Variants in STPG2 observed in about 807,000 individuals in gnomAD.
The protein encoded by STPG2 is sperm tail PG-rich repeat containing 2.
STPG2 carries 56 observed loss-of-function variants against 54.2 expected under a neutral mutation model. That is an observed-to-expected ratio of 1.03 (90% confidence interval 0.83 to 1.29). The LOEUF is 1.29. STPG2 is among the 50% of genes most tolerant of loss of function. The pLI, the probability that STPG2 is intolerant of heterozygous loss-of-function variation, is 0.00. For missense variants in STPG2, 596 were observed against 544.9 expected (o/e 1.09, Z -0.93); for synonymous variants, 200 against 181.8 (o/e 1.10, Z -0.81).
intron 4 of STPG2, among the ~76,000 whole-genome samples, chr4:97,493,282 T>C (rs572203366): frequency 6.6e-6 from 1 of 151,490 alleles, no homozygotes; most frequent in South Asian, 2.1e-4. Context: ...AGGAAGTGTA[T>C]ACAAATAAAC....
At chr4:97,728,620 C>T (rs1473538525) in intron 9 of STPG2, among the ~76,000 whole-genome samples, 1 of 151,518 alleles carries the variant, frequency 6.6e-6, no homozygotes, top group Non-Finnish European at 1.5e-5. Flanking sequence ...TTATTTGGCC[C>T]AGAAAGAGAG....
At chr4:98,022,308 T>A (rs1411646608) in intron 5 of STPG2, among the ~76,000 whole-genome samples, 2 of 151,512 alleles carry the variant, frequency 1.3e-5, no homozygotes, top group African/African-American at 4.8e-5. Flanking sequence ...AAATTCTGGG[T>A]TGAAAATTCT....
intron 8 of STPG2, among the ~76,000 whole-genome samples, chr4:97,913,387 G>T (rs1731753777): frequency 6.6e-6 from 1 of 152,108 alleles, no homozygotes; most frequent in Non-Finnish European, 1.5e-5. Context: ...ATTGGTTTTG[G>T]ATGCATTAAA....
At chr4:97,768,374 G>A (rs1726123069) in intron 9 of STPG2, among the ~76,000 whole-genome samples, 1 of 152,208 alleles carries the variant, frequency 6.6e-6, no homozygotes, top group Non-Finnish European at 1.5e-5. Flanking sequence ...TGGCCATTCT[G>A]ACAAGCTGAG....
intron 4 of STPG2, among the ~76,000 whole-genome samples, chr4:97,525,386 G>A (rs1006142677): frequency 6.6e-6 from 1 of 151,812 alleles, no homozygotes; most frequent in Non-Finnish European, 1.5e-5. Flanking sequence ...ATACTTCGTT[G>A]AACAACTAGG....
Position 97,442,972 on chromosome 4 carries a change from TGAAAG to T in STPG2, c.463-255144_463-255140del, listed in dbSNP as rs565585825. Among the ~76,000 whole-genome samples, 346 of 152,202 alleles carry T rather than the reference TGAAAG, an allele frequency of 2.3e-3. 1 individual carries two copies. The highest frequency in any genetic ancestry group is 7.9e-3 in the African/African-American group (328 of 41,546). ...GTATAGGATTTCATAAATTGAGAGTTGAAAGGAAAGGAGCTTGACAAACTGGTAAA... is the reference window on the plus strand; with the variant it reads ...GTATAGGATTTCATAAATTGAGAGTTGAAAGGAGCTTGACAAACTGGTAAA... On this transcript the variant is annotated intron_variant, in intron 4 of 4. Transcript: ENST00000522676.
intron 9 of STPG2, among the ~76,000 whole-genome samples, chr4:97,736,414 C>T (rs913304514): frequency 1.3e-5 from 2 of 152,208 alleles, no homozygotes; most frequent in African/African-American, 4.8e-5. Context: ...GGCATTGCCT[C>T]ACTCAGGAAG....
intron 8 of STPG2, among the ~76,000 whole-genome samples, chr4:97,872,929 T>A (rs1322984727): frequency 2.0e-5 from 3 of 151,238 alleles, no homozygotes; most frequent in Non-Finnish European, 3.0e-5. Context: ...TTCCTGTCCC[T>A]GCGATGAAAG....
At chr4:97,801,739 T>C (rs928045475) in intron 9 of STPG2, among the ~76,000 whole-genome samples, 12 of 152,184 alleles carry the variant, frequency 7.9e-5, no homozygotes, top group African/African-American at 2.7e-4. Context: ...CCTTTTTTTT[T>C]ACTTTCTTCA....
intron 8 of STPG2, among the ~76,000 whole-genome samples, chr4:97,904,947 G>A (rs1250444417): frequency 6.6e-6 from 1 of 152,046 alleles, no homozygotes; most frequent in Non-Finnish European, 1.5e-5. Context: ...CAAGAAATAT[G>A]GGACTATGTG....
chr4:97,488,542 C>G (rs2148825825), intron 4 of STPG2, among the ~76,000 whole-genome samples: 1 of 151,734 alleles, frequency 6.6e-6, no homozygotes, highest in Non-Finnish European at 1.5e-5. Context: ...ATGTCTCACT[C>G]AAATAGTAGT....
At chr4:97,860,878 C>G (rs913499239) in intron 8 of STPG2, among the ~76,000 whole-genome samples, 1 of 152,120 alleles carries the variant, frequency 6.6e-6, no homozygotes, top group East Asian at 1.9e-4. Flanking sequence ...ATGCTTTCAG[C>G]TTTTCCCCAT....
rs1896157 is a variant in STPG2 at position 97,994,604 on chromosome 4, C to T, written c.613-13286G>A. Reference sequence around the variant, plus strand: ...CAGATCTAGCCACCCGGCAGAGATACTGAACTCCAGGCTGGTACAGGGGAG... The same window carrying T: ...CAGATCTAGCCACCCGGCAGAGATATTGAACTCCAGGCTGGTACAGGGGAG... On this transcript the variant is annotated intron_variant, in intron 5 of 10. Coordinates refer to ENST00000295268, the MANE Select transcript of STPG2 (RefSeq NM_174952.3). 3.1e-3 allele frequency among the ~76,000 whole-genome samples: 469 copies of T among 152,240 alleles called. 4 individuals carry two copies. Among genetic ancestry groups the T allele is most frequent in the African/African-American group, 0.011 (457 of 41,542 alleles).
At chr4:97,594,789 C>G (rs1211362504) in intron 10 of STPG2, among the ~76,000 whole-genome samples, 1 of 152,146 alleles carries the variant, frequency 6.6e-6, no homozygotes, top group African/African-American at 2.4e-5. Flanking sequence ...AACAGAGGAC[C>G]CTTCAGCAGA....
chr4:97,869,925 C>A (rs1236184853), intron 8 of STPG2, among the ~76,000 whole-genome samples: 1 of 151,584 alleles, frequency 6.6e-6, no homozygotes, highest in Non-Finnish European at 1.5e-5. Flanking sequence ...AGAGTCAGGA[C>A]AAGAACCCGG....
intron 4 of STPG2, among the ~76,000 whole-genome samples, chr4:97,516,774 G>T (rs1285948281): frequency 6.6e-6 from 1 of 151,796 alleles, no homozygotes; most frequent in Non-Finnish European, 1.5e-5. Flanking sequence ...GCTGCAGTGA[G>T]CCAAGATTGT....
chr4:97,796,666 A>T (rs961492377), intron 9 of STPG2, among the ~76,000 whole-genome samples: 1 of 152,056 alleles, frequency 6.6e-6, no homozygotes, highest in Non-Finnish European at 1.5e-5. Flanking sequence ...TTGGCTTAGG[A>T]TTGTCTTGGC....
intron 10 of STPG2, among the ~76,000 whole-genome samples, chr4:97,589,211 T>G (rs937595235): frequency 6.6e-6 from 1 of 151,984 alleles, no homozygotes; most frequent in Non-Finnish European, 1.5e-5. Context: ...TAATTATACA[T>G]GAAGTTTATT....
chr4:97,819,770 A>G (rs260891), intron 9 of STPG2, among the ~76,000 whole-genome samples: 24,488 of 151,992 alleles, frequency 0.16, 2,140 homozygotes, highest in East Asian at 0.36. Flanking sequence ...TTTTATTGTT[A>G]AAACATTTAA....
Sources: allele counts gnomAD v4.1 joint callset (sites outside exome capture counted in the v4.1 genomes callset), GRCh38; gene constraint gnomAD v4.1.1; transcripts MANE v1.5; gene names NCBI Gene and HGNC (gene_info 2026-07-23, HGNC 2026-07-21).